Variants in YJEFN3 observed in about 807,000 individuals in gnomAD.
The protein encoded by YJEFN3 is YjeF N-terminal domain containing 3.
Under a neutral mutation model 31.5 loss-of-function variants are expected in YJEFN3, and 29 were observed. That is an observed-to-expected ratio of 0.92 (90% CI 0.69 to 1.26). The LOEUF (loss-of-function observed/expected upper bound fraction) is 1.26. Among genes scored for constraint, YJEFN3 ranks in the 50% most tolerant of loss-of-function variants. The pLI is 0.00. For synonymous variants in YJEFN3, 227 were observed against 196.1 expected (o/e 1.16, Z -1.32); for missense variants, 442 against 425.4 (o/e 1.04, Z -0.34).
At chr19:19,536,725 A>G (rs1048744483) in intron 6 of YJEFN3, among the ~76,000 whole-genome samples, 1 of 151,730 alleles carries the variant, frequency 6.6e-6, no homozygotes. Flanking sequence ...TAATCCTAGC[A>G]CTTTGGGAGG....
rs370949110 is a variant in YJEFN3 at position 19,532,658 on chromosome 19, G to T, written c.236G>T (p.Arg79Leu). The T allele has an allele frequency of 2.4e-5, 38 of 1,565,042 alleles. No individual in the cohort carries two copies. The African/African-American group carries it at 4.6e-4, about 19-fold the overall frequency. The change falls in exon 3 of 7, where the codon CGG becomes CTG. Residue 79 changes from arginine (R) to leucine (L), a missense_variant. Physicochemically the swap from Arg to Leu is moderately radical, Grantham distance 102. Transcript: ENST00000514277. ...ACCGCGGAGGCAGCCGCCCTGGAGC[G>T]GGAGCTGCTGGAGGATTATCGCTTT... Reference protein sequence around the residue: ...QSTAEAAALERELLEDYRFGR... With the variant: ...QSTAEAAALELELLEDYRFGR...
intron 3 of YJEFN3, 115 bp downstream of exon 3, chr19:19,532,855 C>A (rs1013915585): frequency 9.2e-7 from 1 of 1,083,700 alleles, no homozygotes; most frequent in African/African-American, 1.6e-5. Flanking sequence ...TTTGCTTGGG[C>A]CTACCCCAGC....
At position 19,535,023 on chromosome 19, in the gene YJEFN3, C is replaced by A; in HGVS notation, c.319-11C>A. ...CTGTGCCTGTGCCTTTGCTGTGTCC[C>A]CTACCACCAGGCGTTCCCGTTGCCC... On this transcript the variant is annotated splice_polypyrimidine_tract_variant and intron_variant, in intron 3 of 6. Coordinates refer to ENST00000514277, the MANE Select transcript of YJEFN3 (RefSeq NM_198537.4). 1 of 1,583,326 alleles carries A rather than the reference C, an allele frequency of 6.3e-7. No individual in the cohort carries two copies. Among genetic ancestry groups the A allele is most frequent in the Non-Finnish European group, 8.6e-7 (1 of 1,165,398 alleles).
chr19:19,530,757 C>G (rs1600358849), intron 2 of YJEFN3, among the ~76,000 whole-genome samples: 2 of 152,362 alleles, frequency 1.3e-5, no homozygotes, highest in Non-Finnish European at 2.9e-5. Context: ...TTTCCTCACC[C>G]CGTCCTTCAA....
Position 19,531,824 on chromosome 19 carries a change from C to T in YJEFN3, c.210-808C>T, listed in dbSNP as rs140305082. Among the ~76,000 whole-genome samples the T allele has an allele frequency of 6.0e-3, 893 of 148,016 alleles. 8 individuals are homozygous for T. The highest frequency in any genetic ancestry group is 0.021 in the African/African-American group (837 of 39,358). ...TCGGCTCACTGCAACCTCTGCCACC[C>T]GGGTTCAAGCGATTCTCCAGGTTCA... On this transcript the variant is annotated intron_variant, in intron 2 of 6. Transcript: ENST00000514277.
At chr19:19,531,894 A>G (rs557043496) in intron 2 of YJEFN3, among the ~76,000 whole-genome samples, 1 of 151,578 alleles carries the variant, frequency 6.6e-6, no homozygotes, top group East Asian at 1.9e-4. Context: ...ACCCACCACC[A>G]TGCCTGGCTA....
chr19:19,535,497 T>A, intron 5 of YJEFN3, 32 bp from the exon 6 acceptor site: 1 of 1,611,946 alleles, frequency 6.2e-7, no homozygotes. Flanking sequence ...GCAGTGGCCC[T>A]GGGCCACCCT....
chr19:19,530,461 C>T (rs2061144545), intron 2 of YJEFN3, among the ~76,000 whole-genome samples: 1 of 143,970 alleles, frequency 6.9e-6, no homozygotes, highest in Non-Finnish European at 1.5e-5. Context: ...CCCCATTATT[C>T]TAATGACCAG....
intron 2 of YJEFN3, 120 bp from the exon 3 acceptor site, chr19:19,532,512 G>T (rs1006191123): frequency 3.4e-6 from 2 of 582,984 alleles, no homozygotes; most frequent in Admixed American, 3.7e-5. Context: ...CGCTACTCGG[G>T]GGTACGGGGT....
In YJEFN3 at chr19:19,532,740, G is replaced by A. The variant is rs755392022; in HGVS notation, c.318G>A (p.Lys106=). The change falls in exon 3 of 7, where the codon AAG becomes AAA. Residue 106 remains lysine (K), a splice_region_variant and synonymous_variant. Transcript: ENST00000514277. The stretch of plus-strand genomic sequence containing the variant: ...ATGCTAGTGCCGTGGCTGTGACCAA[G>A]GTACCTGACCCCTGACCCCCAACCC... ...CGHASAVAVT[K]AFPLPALSRK... 1.3e-5 allele frequency: 20 copies of A among 1,561,782 alleles called. No homozygotes were observed. Among genetic ancestry groups the A allele is most frequent in the Non-Finnish European group, 1.7e-5 (20 of 1,158,886 alleles).
intron 6 of YJEFN3, chr19:19,535,890 C>T: frequency 1.5e-6 from 1 of 682,318 alleles, no homozygotes; most frequent in Non-Finnish European, 2.5e-6. Context: ...CTCTTTCCTC[C>T]ACCCCAGTGC....
chr19:19,529,130 C>T, intron 1 of YJEFN3, 139 bp downstream of exon 1: 1 of 1,474,628 alleles, frequency 6.8e-7, no homozygotes, highest in African/African-American at 1.4e-5. Flanking sequence ...GATGGAGGTT[C>T]AACGGCAGAG....
chr19:19,531,718 C>A (rs868283506), intron 2 of YJEFN3, among the ~76,000 whole-genome samples: 2 of 75,852 alleles, frequency 2.6e-5, no homozygotes, highest in Non-Finnish European at 4.5e-5. Flanking sequence ...AACAAATAAC[C>A]TTTTTTTTTT....
Position 19,528,914 on chromosome 19 carries a change from G to T in YJEFN3, c.-19G>T. 1.3e-6 allele frequency: 2 copies of T among 1,546,906 alleles called. No individual in the cohort carries two copies. The highest frequency in any genetic ancestry group is 1.7e-6 in the Non-Finnish European group (2 of 1,145,844). On this transcript the variant is annotated 5_prime_UTR_variant, in exon 1 of 7. Transcript: ENST00000514277. ...GGTGGCGGTGGCGGCAGCGCCCGGC[G>T]CCCGGGCTCACCTCGGCCATGAGCA...
At chr19:19,537,099 A>T (rs1287694696) in intron 6 of YJEFN3, among the ~76,000 whole-genome samples, 1 of 145,394 alleles carries the variant, frequency 6.9e-6, no homozygotes, top group Non-Finnish European at 1.5e-5. Context: ...GCGGAGGCAG[A>T]GTTCTAGGGG....
At chr19:19,529,785 G>A (rs1355437718) in intron 2 of YJEFN3, among the ~76,000 whole-genome samples, 1 of 152,168 alleles carries the variant, frequency 6.6e-6, no homozygotes, top group Non-Finnish European at 1.5e-5. Flanking sequence ...AGTGAGGGGA[G>A]TGAGGGGGCT....
chr19:19,536,304 G>A (rs554880434), intron 6 of YJEFN3, among the ~76,000 whole-genome samples: 1 of 152,350 alleles, frequency 6.6e-6, no homozygotes, highest in Admixed American at 6.5e-5. Context: ...GGAGGATCCA[G>A]TGTCTTCTGG....
At position 19,535,754 on chromosome 19, in the gene YJEFN3, G is replaced by A. The variant is rs753014411; in HGVS notation, c.694+75G>A. The A allele has an allele frequency of 6.9e-5, 104 of 1,514,190 alleles. No homozygotes were observed. The South Asian group carries it at 7.1e-4, about 10-fold the overall frequency. 93.8% of individuals were successfully genotyped at this position (1,514,190 alleles called of 1,614,324 possible). A position where few individuals can be genotyped will look rare whatever the true frequency, so the allele number is the denominator to read the frequency against. ...GGCCCCTGTGCCCCAGCTCCTGGTC[G>A]CCCCTGCCTGTCTGAACCTCAATCT... On this transcript the variant is annotated intron_variant, in intron 6 of 6. Coordinates refer to ENST00000514277, the MANE Select transcript of YJEFN3 (RefSeq NM_198537.4).
At position 19,529,365 on chromosome 19, in the gene YJEFN3, G is replaced by A; in HGVS notation, c.61G>A (p.Ala21Thr). The change falls in exon 2 of 7, where the codon GCC (alanine) becomes ACC (threonine). Residue 21 changes from alanine (A) to threonine (T), a missense_variant and splice_region_variant. By Grantham distance (58) the Ala-to-Thr change is moderately conservative (BLOSUM62 0). Coordinates refer to ENST00000514277, the MANE Select transcript of YJEFN3 (RefSeq NM_198537.4). ...EAPEERHFLR[A>T]LELQPPLADM... is the part of the protein sequence containing the mutation. ...ACCCCCACTCTCCATCTCTCCCAGG[G>A]CCTTGGAGCTGCAGCCCCCACTTGC... 3 of 1,611,316 alleles carry A rather than the reference G, an allele frequency of 1.9e-6. 1 individual carries two copies. In the South Asian group the frequency reaches 3.3e-5, roughly 18 times the overall value.
Sources: allele counts gnomAD v4.1 joint callset (sites outside exome capture counted in the v4.1 genomes callset), GRCh38; gene constraint gnomAD v4.1.1; transcripts MANE v1.5; gene names NCBI Gene and HGNC (gene_info 2026-07-23, HGNC 2026-07-21).